The following ANKFN1 variants were observed in gnomAD, a reference collection of about 807,000 sequenced individuals.
ANKFN1 encodes ankyrin repeat and fibronectin type III domain containing 1, also known as ankyrin repeat and fibronectin type-III domain-containing protein 1.
In ANKFN1, 74 loss-of-function variants were observed where a neutral mutation model predicts 108.7. The ratio of observed to expected loss-of-function variants is 0.68; its 90% CI spans 0.56 to 0.83. The LOEUF (loss-of-function observed/expected upper bound fraction) is 0.83, where lower values mean the gene tolerates loss of function less well. Ranked by LOEUF, ANKFN1 falls within the 40% of genes least tolerant of loss-of-function variation. ANKFN1 has a pLI of 0.00. For synonymous variants in ANKFN1, 547 were observed against 516.2 expected (o/e 1.06, Z -0.81); for missense variants, 1,505 against 1,382.3 (o/e 1.09, Z -1.41).
At chr17:56,419,117 G>A (rs996767871) in intron 8 of ANKFN1, among the ~76,000 whole-genome samples, 2 of 152,166 alleles carry the variant, frequency 1.3e-5, no homozygotes, top group African/African-American at 4.8e-5. Context: ...CAGGCAGTTG[G>A]CCAACCCCCA....
rs188134376 is a variant in ANKFN1 at position 56,143,064 on chromosome 17, G to A, written c.289-84853G>A. Among the ~76,000 whole-genome samples the A allele has an allele frequency of 3.5e-4, 54 of 152,234 alleles. 2 individuals carry two copies. Among genetic ancestry groups the A allele is most frequent in the Admixed American group, 3.1e-3 (48 of 15,284 alleles). On this transcript the variant is annotated intron_variant, in intron 4 of 12. Transcript: ENST00000635860. The stretch of plus-strand genomic sequence containing the variant: ...ATTCACAGGAAGCTGAGATTCTCAG[G>A]AAGAGAAGACATTGCGAAGAATTCC...
chr17:56,482,413 T>C lies in ANKFN1; in HGVS notation c.2149T>C (p.Phe717Leu), dbSNP rs2050741141. 2.5e-6 allele frequency: 4 copies of C among 1,613,394 alleles called. No individual in the cohort carries two copies. In the African/African-American group the frequency reaches 5.3e-5, roughly 22 times the overall value. ...GTTGGAAATGGGTCACAATGTGTCC[T>C]TTCTTCTCCTGCTCCCTGCCTCAGA... ...EVLEMGHNVSFLLLLPASDDV... is the reference protein window; with the variant it reads ...EVLEMGHNVSLLLLLPASDDV... The change falls in exon 18 of 21, where the codon TTT (phenylalanine) becomes CTT (leucine). Residue 717 changes from phenylalanine (F) to leucine (L), a missense_variant. Phe to Leu is a conservative substitution (Grantham distance 22). Coordinates refer to ENST00000682825, the MANE Select transcript of ANKFN1 (RefSeq NM_001370326.1).
At chr17:56,309,102 T>C (rs1417274172) in intron 3 of ANKFN1, among the ~76,000 whole-genome samples, 1 of 152,206 alleles carries the variant, frequency 6.6e-6, no homozygotes, top group Non-Finnish European at 1.5e-5. Flanking sequence ...CCCTCCTCTT[T>C]TGGGTTGGAA....
intron 1 of ANKFN1, among the ~76,000 whole-genome samples, chr17:56,212,333 T>G (rs1356197521): frequency 6.6e-6 from 1 of 152,198 alleles, no homozygotes; most frequent in Non-Finnish European, 1.5e-5. Flanking sequence ...TTGTGTGGTG[T>G]ATCACATTTA....
chr17:56,101,496 C>T (rs1437947527), intron 4 of ANKFN1, among the ~76,000 whole-genome samples: 2 of 152,228 alleles, frequency 1.3e-5, no homozygotes. Flanking sequence ...GCAACTCATA[C>T]TTTAATGAAG....
chr17:56,489,725 A>AT (rs879652951), intron 18 of ANKFN1, among the ~76,000 whole-genome samples: 338 of 147,514 alleles, frequency 2.3e-3, no homozygotes, highest in Middle Eastern at 0.011. Flanking sequence ...AAAAAAAACA[A>AT]TTTTTTTTTT....
At chr17:56,051,788 G>T (rs1323241847) in intron 4 of ANKFN1, among the ~76,000 whole-genome samples, 2 of 151,312 alleles carry the variant, frequency 1.3e-5, no homozygotes, top group African/African-American at 4.9e-5. Flanking sequence ...GACTAACAGA[G>T]AGCCAAATCA....
chr17:56,317,109 C>A (rs2045230761), intron 3 of ANKFN1, among the ~76,000 whole-genome samples: 1 of 152,048 alleles, frequency 6.6e-6, no homozygotes, highest in Admixed American at 6.6e-5. Flanking sequence ...GCATTTTTTT[C>A]TTTGTGGCAG....
chr17:56,305,922 A>G (rs540877656), intron 3 of ANKFN1, among the ~76,000 whole-genome samples: 1 of 152,070 alleles, frequency 6.6e-6, no homozygotes, highest in East Asian at 1.9e-4. Flanking sequence ...TACCTTTTCT[A>G]TGTTGGATAA....
At chr17:56,147,289 C>T (rs985679650) in intron 4 of ANKFN1, among the ~76,000 whole-genome samples, 10 of 152,302 alleles carry the variant, frequency 6.6e-5, no homozygotes, top group African/African-American at 2.4e-4. Flanking sequence ...TTCCAAAGTC[C>T]CTTCCACATT....
intron 4 of ANKFN1, among the ~76,000 whole-genome samples, chr17:56,339,139 T>C (rs1410905974): frequency 6.6e-6 from 1 of 151,800 alleles, no homozygotes; most frequent in African/African-American, 2.4e-5. Flanking sequence ...AGTATTTTAA[T>C]CTTTTGATGC....
At chr17:56,477,452 CTTGTTTTCT>C (rs1568034289) in intron 15 of ANKFN1, 27 bp from the exon 16 acceptor site, 1 of 1,481,120 alleles carries the variant, frequency 6.8e-7, no homozygotes, top group East Asian at 2.5e-5. Context: ...GAGTTGTTTT[CTTGTTTTCT>C]TTTTTTTTTT....
At chr17:56,359,751 A>C (rs1294398137) in intron 6 of ANKFN1, among the ~76,000 whole-genome samples, 1 of 152,156 alleles carries the variant, frequency 6.6e-6, no homozygotes, top group African/African-American at 2.4e-5. Flanking sequence ...CATGTCTAAG[A>C]GGTGTGACTA....
At chr17:56,129,699 C>T (rs1375303969) in intron 4 of ANKFN1, among the ~76,000 whole-genome samples, 2 of 152,044 alleles carry the variant, frequency 1.3e-5, no homozygotes, top group Non-Finnish European at 2.9e-5. Flanking sequence ...GTCTTCTCAA[C>T]GCTGTGGTTT....
At chr17:56,306,531 G>A (rs1334611382) in intron 3 of ANKFN1, among the ~76,000 whole-genome samples, 1 of 152,156 alleles carries the variant, frequency 6.6e-6, no homozygotes, top group Non-Finnish European at 1.5e-5. Flanking sequence ...GGACGTGAAG[G>A]ACCTCTTCAA....
intron 15 of ANKFN1, among the ~76,000 whole-genome samples, chr17:56,468,264 G>A (rs930045143): frequency 1.3e-5 from 2 of 152,140 alleles, no homozygotes; most frequent in Non-Finnish European, 2.9e-5. Flanking sequence ...ATACTGAATA[G>A]CCACCAAAAT....
At chr17:56,456,490 C>T (rs1313382670) in intron 11 of ANKFN1, among the ~76,000 whole-genome samples, 2 of 151,028 alleles carry the variant, frequency 1.3e-5, no homozygotes, top group East Asian at 3.9e-4. Flanking sequence ...CTCTGCCTCC[C>T]GGGTTCAAGC....
In ANKFN1 at chr17:56,450,602, C is replaced by T. The variant is rs530282444; in HGVS notation, c.1207+1416C>T. ...CACTGACCAAAGTCTAGTCAGTTCT[C>T]GGTTATTGAGGGCTCATTTAACCAG... On this transcript the variant is annotated intron_variant, in intron 11 of 20. Transcript: ENST00000682825. 1.2e-4 allele frequency among the ~76,000 whole-genome samples: 19 copies of T among 152,306 alleles called. 2 individuals are homozygous for T. The highest frequency in any genetic ancestry group is 4.6e-4 in the African/African-American group (19 of 41,562).
chr17:56,204,689 A>C (rs1356595450), intron 1 of ANKFN1, among the ~76,000 whole-genome samples: 1 of 152,218 alleles, frequency 6.6e-6, no homozygotes, highest in Admixed American at 6.5e-5. Context: ...CACTGTCATA[A>C]TATAGACATT....
Sources: allele counts gnomAD v4.1 joint callset (sites outside exome capture counted in the v4.1 genomes callset), GRCh38; gene constraint gnomAD v4.1.1; transcripts MANE v1.5; gene names NCBI Gene and HGNC (gene_info 2026-07-23, HGNC 2026-07-21).